DACH2: variants seen among roughly 807,000 people sequenced by gnomAD.
DACH2 encodes the protein dachshund homolog 2.
DACH2 carries 17 observed loss-of-function variants against 35.8 expected under a neutral mutation model. That is an observed-to-expected ratio of 0.48 (90% CI 0.33 to 0.71). The LOEUF (loss-of-function observed/expected upper bound fraction) is 0.71, where lower values mean the gene tolerates loss of function less well. Ranked by LOEUF, DACH2 falls within the 30% of genes least tolerant of loss-of-function variation. The pLI is 0.02. For synonymous variants in DACH2, 195 were observed against 177.3 expected, an observed-to-expected ratio of 1.10 and a Z score of -0.79; for missense variants, 469 against 472.7, an observed-to-expected ratio of 0.99 and a Z score of 0.07.
At chrX:86,673,335 C>CAAAAAAAA (rs56877612) in intron 4 of DACH2, among the ~76,000 whole-genome samples, 8 of 43,190 alleles carry the variant, frequency 1.9e-4, no homozygotes, top group Non-Finnish European at 2.3e-4. Flanking sequence ...GACTCCGTCT[C>CAAAAAAAA]AAAAAAAAAA....
At chrX:86,195,033 C>G (rs930678654) in intron 1 of DACH2, among the ~76,000 whole-genome samples, 2 of 112,728 alleles carry the variant, frequency 1.8e-5, no homozygotes, top group Non-Finnish European at 3.8e-5. Context: ...GCACTGGGGC[C>G]TCCATGGCCA....
At chrX:86,747,509 A>G (rs1482731842) in intron 7 of DACH2, among the ~76,000 whole-genome samples, 1 of 111,885 alleles carries the variant, frequency 8.9e-6, no homozygotes, top group African/African-American at 3.2e-5. Flanking sequence ...AGTCACACAA[A>G]TTGATTTCTC....
intron 2 of DACH2, among the ~76,000 whole-genome samples, chrX:86,429,587 G>A (rs1304852325): frequency 1.1e-5 from 1 of 89,060 alleles, no homozygotes; most frequent in African/African-American, 5.8e-5. Flanking sequence ...TCTTGAGACC[G>A]TCTGGGTCTG....
chrX:86,370,143 C>A (rs141843254), intron 1 of DACH2, among the ~76,000 whole-genome samples: 1 of 110,752 alleles, frequency 9.0e-6, no homozygotes, highest in Non-Finnish European at 1.9e-5. Flanking sequence ...GAAAAGTAGA[C>A]CTAAAACAAG....
chrX:86,497,036 T>C (rs1339030412), intron 2 of DACH2, among the ~76,000 whole-genome samples: 1 of 112,128 alleles, frequency 8.9e-6, no homozygotes, highest in East Asian at 2.8e-4. Flanking sequence ...TGGCTTCCAC[T>C]TTCAGAAAAT....
chrX:86,738,752 T>C (rs903018110), intron 6 of DACH2, among the ~76,000 whole-genome samples: 5 of 112,029 alleles, frequency 4.5e-5, no homozygotes, highest in Non-Finnish European at 9.4e-5. Flanking sequence ...TATGCAAAAA[T>C]ATTTTATTAA....
chrX:86,262,595 A>G (rs2033646131), intron 1 of DACH2, among the ~76,000 whole-genome samples: 1 of 109,717 alleles, frequency 9.1e-6, no homozygotes, highest in Non-Finnish European at 1.9e-5. Context: ...TCAACAAAAT[A>G]AATATTTGAA....
intron 1 of DACH2, among the ~76,000 whole-genome samples, chrX:86,268,598 G>A (rs976397620): frequency 3.7e-5 from 4 of 107,949 alleles, no homozygotes; most frequent in African/African-American, 1.4e-4. Flanking sequence ...GCAGTGGTGA[G>A]ATCTCAGCTC....
intron 2 of DACH2, among the ~76,000 whole-genome samples, chrX:86,450,118 G>T (rs945650102): frequency 1.8e-5 from 2 of 110,658 alleles, no homozygotes; most frequent in African/African-American, 6.6e-5. Context: ...GTGTAGGTTT[G>T]GTACATAGGA....
At chrX:86,502,266 C>T (rs1466888505) in intron 2 of DACH2, among the ~76,000 whole-genome samples, 1 of 111,225 alleles carries the variant, frequency 9.0e-6, no homozygotes, top group Non-Finnish European at 1.9e-5. Context: ...TGATAAAATG[C>T]CTAAAACGAT....
chrX:86,629,235 A>C (rs2040171249), intron 3 of DACH2, among the ~76,000 whole-genome samples: 1 of 110,987 alleles, frequency 9.0e-6, no homozygotes, highest in East Asian at 2.9e-4. Flanking sequence ...AGAAATTAGG[A>C]GTGTTTTGTC....
intron 11 of DACH2, chrX:86,827,883 TGGAA>T: frequency 1.1e-6 from 1 of 890,279 alleles, no homozygotes; most frequent in Non-Finnish European, 1.6e-6. Context: ...CCTTAAAATA[TGGAA>T]CCTTTAATTA....
At chrX:86,302,232 T>C (rs1262123965) in intron 1 of DACH2, among the ~76,000 whole-genome samples, 1 of 111,658 alleles carries the variant, frequency 9.0e-6, no homozygotes. Context: ...GTATCTAACT[T>C]CCTTCTGCCT....
At chrX:86,313,951 C>T (rs1301214814) in intron 1 of DACH2, among the ~76,000 whole-genome samples, 1 of 111,785 alleles carries the variant, frequency 8.9e-6, no homozygotes, top group African/African-American at 3.3e-5. Context: ...ATTATTACAT[C>T]TGTTATGGTG....
intron 3 of DACH2, among the ~76,000 whole-genome samples, chrX:86,535,809 C>T (rs1052271185): frequency 8.1e-5 from 9 of 111,063 alleles, no homozygotes; most frequent in African/African-American, 2.6e-4. Context: ...ATTTTTCGAT[C>T]ACCTTTTCAA....
chrX:86,586,578 A>G (rs986361922), intron 3 of DACH2, among the ~76,000 whole-genome samples: 3 of 111,657 alleles, frequency 2.7e-5, no homozygotes, highest in Non-Finnish European at 5.7e-5. Context: ...TTAAGTCTTT[A>G]ATCCATCTTC....
chrX:86,488,937 G>C (rs184521611), intron 2 of DACH2, among the ~76,000 whole-genome samples: 26 of 111,151 alleles, frequency 2.3e-4, no homozygotes, highest in Admixed American at 2.0e-3. Context: ...TAACGATACA[G>C]AAGTGTGACT....
chrX:86,420,632 A>G (rs2036786498), intron 2 of DACH2, among the ~76,000 whole-genome samples: 1 of 110,327 alleles, frequency 9.1e-6, no homozygotes, highest in Non-Finnish European at 1.9e-5. Context: ...CAGAAAATTG[A>G]CCCTCTGTGT....
At chrX:86,823,290 T>C (rs2042531150) in intron 11 of DACH2, among the ~76,000 whole-genome samples, 2 of 112,217 alleles carry the variant, frequency 1.8e-5, no homozygotes, top group African/African-American at 6.5e-5. Flanking sequence ...AAGTTTTATT[T>C]ATTTGTTCTA....
Sources: allele counts gnomAD v4.1 joint callset (sites outside exome capture counted in the v4.1 genomes callset), GRCh38; gene constraint gnomAD v4.1.1; transcripts MANE v1.5; gene names NCBI Gene and HGNC (gene_info 2026-07-23, HGNC 2026-07-21).